Variants in IRF9 observed in about 807,000 individuals in gnomAD.
IRF9 encodes IFN-alpha-responsive transcription factor subunit.
In IRF9, 13 loss-of-function variants were observed where a neutral mutation model predicts 44.1. The ratio of observed to expected loss-of-function variants is 0.29; its 90% CI spans 0.19 to 0.47. The LOEUF (loss-of-function observed/expected upper bound fraction) is 0.47, where lower values mean the gene tolerates loss of function less well. Ranked by LOEUF, IRF9 falls within the 20% of genes least tolerant of loss-of-function variation. IRF9 has a pLI of 1.00. For missense variants in IRF9, 373 were observed against 496.1 expected (o/e 0.75, Z 2.36); for synonymous variants, 189 against 188.5 (o/e 1.00, Z -0.02).
At chr14:24,162,843 A>G (rs2038477027) in intron 2 of IRF9, 123 bp from the exon 3 acceptor site, 2 of 729,460 alleles carry the variant, frequency 2.7e-6, no homozygotes, top group South Asian at 2.0e-5. Flanking sequence ...ATGGCAACGC[A>G]GAGCACAGAC....
chr14:24,163,204 T>A, intron 3 of IRF9, 55 bp downstream of exon 3: 1 of 1,593,488 alleles, frequency 6.3e-7, no homozygotes, highest in Non-Finnish European at 8.6e-7. Flanking sequence ...GGAGGAAGGA[T>A]AGATGTGCAG....
At chr14:24,162,666 G>A (rs1464639223) in intron 2 of IRF9, 7 of 433,404 alleles carry the variant, frequency 1.6e-5, no homozygotes, top group African/African-American at 6.1e-5. Context: ...TGGGCCTAGC[G>A]GTGCATGCCT....
chr14:24,163,722 C>T, intron 4 of IRF9, 156 bp from the exon 5 acceptor site: 3 of 887,270 alleles, frequency 3.4e-6, no homozygotes, highest in Non-Finnish European at 5.1e-6. Flanking sequence ...CCTGTAATCC[C>T]AGCTACTCAG....
intron 2 of IRF9, chr14:24,162,675 C>T: frequency 2.2e-6 from 1 of 446,778 alleles, no homozygotes; most frequent in South Asian, 2.7e-5. Flanking sequence ...CGGTGCATGC[C>T]TGTAGTCCCA....
Position 24,164,217 on chromosome 14 carries a change from T to TCA in IRF9, c.649+84_649+85dup. 8.4e-7 allele frequency: 1 copy of TCA among 1,196,060 alleles called. No individual in the cohort carries two copies. Among genetic ancestry groups the TCA allele is most frequent in the African/African-American group, 1.5e-5 (1 of 66,578 alleles). The allele number at this position is 1,196,060 out of a possible 1,614,324, so 74.1% of individuals were successfully genotyped here. On this transcript the variant is annotated intron_variant, in intron 6 of 8. Transcript: ENST00000396864. The surrounding 1 kb of genome is among the most constrained non-coding windows in gnomAD (Gnocchi z 5.2). ...GACTATGCATGCATTATCTAGTCAG[T>TCA]CAGGGCTTACAGCAAACTGTACCCA...
chr14:24,162,665 C>T (rs1430699244), intron 2 of IRF9: 9 of 427,054 alleles, frequency 2.1e-5, no homozygotes, highest in East Asian at 4.7e-5. Flanking sequence ...CTGGGCCTAG[C>T]GGTGCATGCC....
chr14:24,165,757 T>C (rs2139106929), intron 7 of IRF9, 90 bp from the exon 8 acceptor site: 2 of 809,574 alleles, frequency 2.5e-6, no homozygotes, highest in South Asian at 1.7e-5. Flanking sequence ...CTCCTACCTC[T>C]CTCCATCATG....
chr14:24,165,671 T>C (rs1196217539), intron 7 of IRF9, 176 bp from the exon 8 acceptor site: 11 of 592,002 alleles, frequency 1.9e-5, no homozygotes, highest in Non-Finnish European at 3.0e-5. Flanking sequence ...GGGCACCCTT[T>C]CCTATTTGCA....
At chr14:24,165,155 C>T in intron 7 of IRF9, 200 bp downstream of exon 7, 1 of 708,188 alleles carries the variant, frequency 1.4e-6, no homozygotes, top group Non-Finnish European at 2.6e-6. Context: ...AGCTCTCCTC[C>T]AGCCAAGACA....
At chr14:24,165,634 C>T (rs906573220) in intron 7 of IRF9, 1 of 578,310 alleles carries the variant, frequency 1.7e-6, no homozygotes, top group African/African-American at 1.9e-5. Context: ...CTGTGATCTG[C>T]TACTTCTAAG....
chr14:24,166,025 G>A, intron 8 of IRF9, 63 bp downstream of exon 8: 5 of 1,580,088 alleles, frequency 3.2e-6, no homozygotes, highest in Non-Finnish European at 4.3e-6. Flanking sequence ...TGCTCCAGGA[G>A]GCAAAGGGGG....
chr14:24,162,376 C>T, intron 2 of IRF9, 52 bp downstream of exon 2: 1 of 1,530,184 alleles, frequency 6.5e-7, no homozygotes, highest in Non-Finnish European at 8.9e-7. Flanking sequence ...GGTGTATACA[C>T]ACTGGTACAC....
At chr14:24,166,013 G>A (rs1273226605) in intron 8 of IRF9, 51 bp downstream of exon 8, 2 of 1,584,108 alleles carry the variant, frequency 1.3e-6, no homozygotes, top group Admixed American at 1.7e-5. Flanking sequence ...CAGAGACAGT[G>A]GTGCTCCAGG....
chr14:24,162,331 G>T lies in IRF9; in HGVS notation c.180+7G>T. Reference sequence around the variant, plus strand: ...GGATGCTGCCTTCTTCAAGGTGAAAGGGCCTGGAAACCACTGTTCCTCTGT... The same window carrying T: ...GGATGCTGCCTTCTTCAAGGTGAAATGGCCTGGAAACCACTGTTCCTCTGT... On this transcript the variant is annotated splice_region_variant and intron_variant, in intron 2 of 8. Transcript: ENST00000396864. 6.2e-7 allele frequency: 1 copy of T among 1,612,458 alleles called. No homozygotes were observed. Among genetic ancestry groups the T allele is most frequent in the Non-Finnish European group, 8.5e-7 (1 of 1,178,974 alleles).
chr14:24,161,588 C>T (rs570927857), intron 1 of IRF9, among the ~76,000 whole-genome samples: 1 of 152,340 alleles, frequency 6.6e-6, no homozygotes, highest in African/African-American at 2.4e-5. Context: ...GCCCCAGCCT[C>T]AGTGGACCAT....
Position 24,164,188 on chromosome 14 carries a change from C to A in IRF9, c.649+54C>A. On this transcript the variant is annotated intron_variant, in intron 6 of 8. Coordinates refer to ENST00000396864, the MANE Select transcript of IRF9 (RefSeq NM_006084.5). This position sits in a 1 kb window ranked among gnomAD's most constrained non-coding sequence, Gnocchi z 5.2. The stretch of plus-strand genomic sequence containing the variant: ...GCCCTGTGCCCCTGAGGTCTTCCAC[C>A]TTTGACTATGCATGCATTATCTAGT... The A allele has an allele frequency of 7.0e-7, 1 of 1,433,662 alleles. No homozygotes were observed. The highest frequency in any genetic ancestry group is 1.1e-5 in the South Asian group (1 of 87,414). 88.8% of individuals were successfully genotyped at this position (1,433,662 alleles called of 1,614,324 possible).
At position 24,164,964 on chromosome 14, in the gene IRF9, G is replaced by A. The variant is rs139364975; in HGVS notation, c.991+9G>A. 10,866 of 1,609,664 alleles carry A rather than the reference G, an allele frequency of 6.8e-3. 51 individuals are homozygous for A. The highest frequency in any genetic ancestry group is 7.8e-3 in the Non-Finnish European group (9,243 of 1,177,456). ...CGCCTACTTCTGCAGAGGTGAGGCT[G>A]TTCTCTCTGGGCACATGAGCTTCCA... On this transcript the variant is annotated intron_variant, in intron 7 of 8. Coordinates refer to ENST00000396864, the MANE Select transcript of IRF9 (RefSeq NM_006084.5). The surrounding 1 kb of genome is among the most constrained non-coding windows in gnomAD (Gnocchi z 5.2).
intron 3 of IRF9, 86 bp from the exon 4 acceptor site, chr14:24,163,292 C>T: frequency 6.4e-7 from 1 of 1,556,914 alleles, no homozygotes; most frequent in Non-Finnish European, 8.7e-7. Context: ...CTAGACCTGC[C>T]CATCCTTCAC....
Position 24,166,112 on chromosome 14 carries a change from TC to T in IRF9, c.1108-8del. ...CACTGAGATGCTCTTCTCCATCTCT[TC>T]CAATACAGATGGAGCAGGCCTTTGC... is the stretch of plus-strand genomic sequence containing the variant. On this transcript the variant is annotated splice_polypyrimidine_tract_variant and intron_variant, in intron 8 of 8. Transcript: ENST00000396864. 1.9e-6 allele frequency: 3 copies of T among 1,612,988 alleles called. No individual in the cohort carries two copies. Among genetic ancestry groups the T allele is most frequent in the Non-Finnish European group, 2.5e-6 (3 of 1,179,314 alleles).
Sources: gnomAD v4.1 joint callset for allele counts (sites outside exome capture counted in the v4.1 genomes callset) on GRCh38, gnomAD v4.1.1 for gene constraint, Gnocchi (gnomAD v3.1) non-coding constraint, MANE v1.5 for transcripts, NCBI Gene and HGNC (gene_info 2026-07-23, HGNC 2026-07-21) for gene names.